Variants in NLRP14 observed in about 807,000 individuals in gnomAD.
The protein encoded by NLRP14 is NACHT, LRR and PYD domains-containing protein 14.
In NLRP14, 105 loss-of-function variants were observed where a neutral mutation model predicts 94.7. The observed-to-expected ratio is 1.11, with a 90% CI of 0.95 to 1.30. NLRP14 has a LOEUF of 1.30. NLRP14 is among the 50% of genes most tolerant of loss of function. NLRP14 has a pLI of 0.00. For synonymous variants in NLRP14, 508 were observed against 459.9 expected (o/e 1.10, Z -1.34); for missense variants, 1,362 against 1,254.1 (o/e 1.09, Z -1.30).
chr11:7,089,058 G>A, the NLRP14 span: 4 of 1,561,684 alleles, frequency 2.6e-6, no homozygotes, highest in Non-Finnish European at 3.5e-6. Context: ...CGAGCTCGAA[G>A]GCTGCGACTG....
intron 1 of NLRP14, among the ~76,000 whole-genome samples, chr11:7,036,627 C>G (rs1205466511): frequency 1.3e-5 from 2 of 152,076 alleles, no homozygotes; most frequent in Non-Finnish European, 2.9e-5. Context: ...GCTATTCCTG[C>G]TTACAGATGG....
rs190524871 is a variant in NLRP14 at position 7,069,975 on chromosome 11, A to G, written c.2976-311A>G. Among the ~76,000 whole-genome samples, 10 of 152,304 alleles carry G rather than the reference A, an allele frequency of 6.6e-5. No homozygotes were observed. The East Asian group carries it at 1.9e-3, about 29-fold the overall frequency. ...ACTACCAAGCTTCCAATATCTAGTT[A>G]TAGTGATGTATTTTTAGTGATGTTC... is the stretch of plus-strand genomic sequence containing the variant. On this transcript the variant is annotated intron_variant, in intron 10 of 11. Coordinates refer to ENST00000299481, the MANE Select transcript of NLRP14 (RefSeq NM_176822.4).
chr11:7,082,633 C>T, the NLRP14 span, among the ~76,000 whole-genome samples: 1 of 152,130 alleles, frequency 6.6e-6, no homozygotes, highest in Non-Finnish European at 1.5e-5. Flanking sequence ...TCCGTCATTA[C>T]AGAACCCATT....
At chr11:7,025,835 T>A (rs1191627612) in intron 1 of NLRP14, among the ~76,000 whole-genome samples, 1 of 152,166 alleles carries the variant, frequency 6.6e-6, no homozygotes, top group Non-Finnish European at 1.5e-5. Flanking sequence ...TAAATTTGAG[T>A]ACTTGATTAA....
rs1268394465 is a variant in NLRP14, at chr11:7,043,537, C to T, written c.1511C>T (p.Ser504Phe). ...LKGSWEAGNP[S>F]CQPFEDLKSL... is the part of the protein sequence containing the mutation. ...GGCAGTTGGGAAGCTGGGAACCCTT[C>T]CTGCCAGCCTTTTGAAGATTTGAAG... Residue 504 changes from serine to phenylalanine, a missense_variant, in exon 4 of 12, where the codon TCC becomes TTC. Physicochemically the swap from Ser to Phe is radical, Grantham distance 155. Coordinates refer to ENST00000299481, the MANE Select transcript of NLRP14 (RefSeq NM_176822.4). The T allele has an allele frequency of 1.2e-6, 2 of 1,614,184 alleles. No homozygotes were observed. The highest frequency in any genetic ancestry group is 1.7e-5 in the Admixed American group (1 of 60,012).
At chr11:7,055,240 C>T (rs1258695415) in intron 6 of NLRP14, among the ~76,000 whole-genome samples, 2 of 152,062 alleles carry the variant, frequency 1.3e-5, no homozygotes, top group Non-Finnish European at 2.9e-5. Context: ...CCCATGAAGC[C>T]TATCCTCTTA....
At position 7,042,555 on chromosome 11, in the gene NLRP14, C is replaced by A; in HGVS notation, c.529C>A (p.Gln177Lys). Residue 177 changes from glutamine to lysine, a missense_variant, in exon 4 of 12, where the codon CAG becomes AAG. Physicochemically the swap from Gln to Lys is moderately conservative, Grantham distance 53 (BLOSUM62 1). Transcript: ENST00000299481. The stretch of plus-strand genomic sequence containing the variant: ...GGATGTCAAAACCGGTGCACAGCCA[C>A]AGATCGTGGTGCTTCAGGGAGCTGC... Reference protein sequence around the residue: ...DVDVKTGAQPQIVVLQGAAGV... With the variant: ...DVDVKTGAQPKIVVLQGAAGV... 1 of 1,614,226 alleles carries A rather than the reference C, an allele frequency of 6.2e-7. No individual in the cohort carries two copies. Among genetic ancestry groups the A allele is most frequent in the Non-Finnish European group, 8.5e-7 (1 of 1,180,032 alleles).
chr11:7,058,363 G>T lies in NLRP14; in HGVS notation c.2546G>T (p.Cys849Phe). The T allele has an allele frequency of 6.2e-7, 1 of 1,612,614 alleles. No individual in the cohort carries two copies. The highest frequency in any genetic ancestry group is 8.5e-7 in the Non-Finnish European group (1 of 1,178,848). ...LISNKRLTHLCLADNVLGDGG... is the reference protein window; with the variant it reads ...LISNKRLTHLFLADNVLGDGG... ...AGCAATAAAAGACTGACACATTTGTGCTTGGCAGACAATGTCTTGGGTGAT... is the reference window on the plus strand; with the variant it reads ...AGCAATAAAAGACTGACACATTTGTTCTTGGCAGACAATGTCTTGGGTGAT... Residue 849 changes from cysteine (C) to phenylalanine (F), a missense_variant, in exon 8 of 12, where the codon TGC becomes TTC. Cys to Phe is a radical substitution (Grantham distance 205, BLOSUM62 -2). Coordinates refer to ENST00000299481, the MANE Select transcript of NLRP14 (RefSeq NM_176822.4).
At chr11:7,047,149 ATCC>A (rs375189059) in intron 5 of NLRP14, among the ~76,000 whole-genome samples, 1,539 of 152,292 alleles carry the variant, frequency 0.01, 20 homozygotes, top group African/African-American at 0.033. Flanking sequence ...GGAACTTACT[ATCC>A]TCTTAAATTT....
Position 7,060,021 on chromosome 11 carries a change from T to C in NLRP14, c.2761T>C (p.Cys921Arg), listed in dbSNP as rs1355570207. 6.2e-7 allele frequency: 1 copy of C among 1,612,764 alleles called. No homozygotes were observed. Among genetic ancestry groups the C allele is most frequent in the Non-Finnish European group, 8.5e-7 (1 of 1,178,992 alleles). ...ACAAGACAATGGAGTGAAGCTTCTG[T>C]GTGATGTCTTTCGGCATCCAAGCTG... ...WLQDNGVKLL[C>R]DVFRHPSCNL... Residue 921 changes from cysteine (C) to arginine (R), a missense_variant, in exon 9 of 12, where the codon TGT becomes CGT. Coordinates refer to ENST00000299481, the MANE Select transcript of NLRP14 (RefSeq NM_176822.4).
At chr11:7,067,902 T>C (rs1182637157) in intron 10 of NLRP14, among the ~76,000 whole-genome samples, 1 of 152,172 alleles carries the variant, frequency 6.6e-6, no homozygotes. Context: ...TGTAACAATT[T>C]CTGGTGAAGC....
At chr11:7,057,986 C>T (rs1215216001) in intron 7 of NLRP14, 139 bp downstream of exon 7, 6 of 757,788 alleles carry the variant, frequency 7.9e-6, no homozygotes, top group African/African-American at 1.7e-5. Flanking sequence ...TACATGCATC[C>T]CCCTTCTCTT....
chr11:7,043,453 A>G lies in NLRP14; in HGVS notation c.1427A>G (p.Tyr476Cys), dbSNP rs750883984. Residue 476 changes from tyrosine to cysteine, a missense_variant, in exon 4 of 12, where the codon TAT becomes TGT. Transcript: ENST00000299481. ...AAGGACGCAGAGTATGAAAACTGCTATGTGTTCACCCACCTTCATGTTCAG... is the reference window on the plus strand; with the variant it reads ...AAGGACGCAGAGTATGAAAACTGCTGTGTGTTCACCCACCTTCATGTTCAG... The part of the protein sequence containing the change: ...IQKDAEYENC[Y>C]VFTHLHVQEF... 20 of 1,614,148 alleles carry G rather than the reference A, an allele frequency of 1.2e-5. No individual in the cohort carries two copies. In the East Asian group the frequency reaches 1.6e-4, roughly 13 times the overall value.
rs147871275 is a variant in NLRP14 at position 7,056,960 on chromosome 11, G to A, written c.2292-717G>A. On this transcript the variant is annotated intron_variant, in intron 6 of 11. Transcript: ENST00000299481. Reference sequence around the variant, plus strand: ...CTCTATAGACCCTGATTTTGATGACGAGAAACAATTCTTGAGTGACTCAAG... The same window carrying A: ...CTCTATAGACCCTGATTTTGATGACAAGAAACAATTCTTGAGTGACTCAAG... 9.3e-4 allele frequency among the ~76,000 whole-genome samples: 141 copies of A among 151,970 alleles called. 1 individual carries two copies. In the East Asian group the frequency reaches 0.013, roughly 14 times the overall value.
intron 6 of NLRP14, among the ~76,000 whole-genome samples, chr11:7,052,145 T>C (rs1331918847): frequency 6.6e-6 from 1 of 152,206 alleles, no homozygotes; most frequent in Non-Finnish European, 1.5e-5. Context: ...TAATTTCTGA[T>C]TGTGCCCAGG....
downstream of NLRP14, among the ~76,000 whole-genome samples, chr11:7,074,012 C>T (rs1852838904): frequency 6.6e-6 from 1 of 152,170 alleles, no homozygotes; most frequent in African/African-American, 2.4e-5. Context: ...GGTTGGTTCT[C>T]CTAGCAACCA....
At position 7,046,843 on chromosome 11, in the gene NLRP14, TATG is replaced by T. The variant is rs755175901; in HGVS notation, c.2123+13_2123+15del. The T allele has an allele frequency of 7.5e-6, 12 of 1,601,616 alleles. No homozygotes were observed. In the Admixed American group the frequency reaches 2.0e-4, roughly 27 times the overall value. ...ACTACAAAAGCTACTGTAAGTCTGG[TATG>T]AGAAAATTTAATGGAGTTATTCTAA... On this transcript the variant is annotated intron_variant, in intron 5 of 11. Transcript: ENST00000299481.
chr11:7,025,587 A>G (rs1852003349), intron 1 of NLRP14, among the ~76,000 whole-genome samples: 1 of 152,196 alleles, frequency 6.6e-6, no homozygotes, highest in African/African-American at 2.4e-5. Context: ...GAATTTTTCA[A>G]TAGAAAGAAA....
At chr11:7,040,190 G>C (rs1852226409) in intron 3 of NLRP14, among the ~76,000 whole-genome samples, 1 of 152,154 alleles carries the variant, frequency 6.6e-6, no homozygotes, top group African/African-American at 2.4e-5. Flanking sequence ...CTAGAACCAG[G>C]TCTTCTCAGT....
Sources: gnomAD v4.1 joint callset for allele counts (sites outside exome capture counted in the v4.1 genomes callset) on GRCh38, gnomAD v4.1.1 for gene constraint, MANE v1.5 for transcripts, NCBI Gene and HGNC (gene_info 2026-07-23, HGNC 2026-07-21) for gene names.